The following RBFOX2 variants were observed in gnomAD, a reference collection of about 807,000 sequenced individuals.
The protein encoded by RBFOX2 is RNA binding fox-1 homolog 2, also known as RNA binding protein fox-1 homolog 2.
Under a neutral mutation model 49.1 loss-of-function variants are expected in RBFOX2, and 10 were observed. The ratio of observed to expected loss-of-function variants is 0.20; its 90% confidence interval spans 0.13 to 0.35. The LOEUF (loss-of-function observed/expected upper bound fraction) is 0.35. RBFOX2 is among the 10% of genes least tolerant of loss of function. The probability of loss-of-function intolerance (pLI) is 1.00; values close to 1 mark genes in which losing one functional copy is unlikely to be tolerated. For synonymous variants in RBFOX2, 183 were observed against 187.4 expected (o/e 0.98, Z 0.19); for missense variants, 323 against 486.9 (o/e 0.66, Z 3.17).
intron 1 of RBFOX2, among the ~76,000 whole-genome samples, chr22:36,001,073 A>C (rs191664137): frequency 6.6e-6 from 1 of 152,240 alleles, no homozygotes; most frequent in African/African-American, 2.4e-5. Flanking sequence ...ACAGAAAGCT[A>C]TTTTTAAACA....
intron 1 of RBFOX2, among the ~76,000 whole-genome samples, chr22:35,986,283 T>C (rs1305880971): frequency 2.0e-5 from 3 of 151,966 alleles, no homozygotes; most frequent in African/African-American, 7.3e-5. Flanking sequence ...CAGCAGGAAT[T>C]TGATATGAAC....
At chr22:35,902,026 G>C (rs1489470411) in intron 1 of RBFOX2, among the ~76,000 whole-genome samples, 4 of 152,124 alleles carry the variant, frequency 2.6e-5, no homozygotes, top group African/African-American at 9.6e-5. Context: ...GTTGCAGTCA[G>C]CTGAGAATGC....
chr22:35,851,809 C>T (rs138018975), intron 1 of RBFOX2, among the ~76,000 whole-genome samples: 2,343 of 145,872 alleles, frequency 0.016, 63 homozygotes, highest in African/African-American at 0.057. Context: ...CCAGCCTGGG[C>T]AACAGAGCAA....
At chr22:35,840,712 G>C, upstream of RBFOX2, 2 of 728,696 alleles carry the variant, frequency 2.7e-6, no homozygotes. Flanking sequence ...TTTTAAGGAT[G>C]CGATGATGGA....
intron 2 of RBFOX2, among the ~76,000 whole-genome samples, chr22:35,782,719 G>C (rs1231975317): frequency 6.6e-6 from 1 of 152,148 alleles, no homozygotes; most frequent in Non-Finnish European, 1.5e-5. Flanking sequence ...CTGCAGCCCA[G>C]AGCAAACTGC....
intron 8 of RBFOX2, 114 bp from the exon 10 acceptor site, chr22:35,760,134 C>CT: frequency 7.1e-7 from 1 of 1,407,298 alleles, no homozygotes. Flanking sequence ...CGAACCACAC[C>CT]TTTTTGGAAA....
At chr22:36,010,332 G>A (rs1213342621) in intron 1 of RBFOX2, among the ~76,000 whole-genome samples, 1 of 152,102 alleles carries the variant, frequency 6.6e-6, no homozygotes, top group Non-Finnish European at 1.5e-5. Flanking sequence ...AAACAACACA[G>A]CATCTGGTGC....
At chr22:36,021,093 GTA>G (rs1217998000) in intron 1 of RBFOX2, among the ~76,000 whole-genome samples, 3 of 152,060 alleles carry the variant, frequency 2.0e-5, no homozygotes, top group Non-Finnish European at 4.4e-5. Context: ...CACGTCCTTT[GTA>G]GGAACATGGA....
chr22:35,764,277 G>T (rs1441218444), intron 6 of RBFOX2, among the ~76,000 whole-genome samples: 1 of 151,900 alleles, frequency 6.6e-6, no homozygotes, highest in Admixed American at 6.6e-5. Flanking sequence ...CTAGCAGTGG[G>T]TTCAAACTTT....
chr22:35,758,003 G>A (rs534931222), intron 9 of RBFOX2, among the ~76,000 whole-genome samples: 6 of 152,222 alleles, frequency 3.9e-5, no homozygotes, highest in African/African-American at 1.4e-4. Flanking sequence ...ATTCATCTAC[G>A]TTCTAGAAGA....
At chr22:35,939,442 T>A (rs2053472386), upstream of RBFOX2, among the ~76,000 whole-genome samples, 1 of 152,186 alleles carries the variant, frequency 6.6e-6, no homozygotes, top group African/African-American at 2.4e-5. Flanking sequence ...TTATTTATTT[T>A]TTGTTTTATC....
At chr22:35,962,854 G>C (rs1032120463), upstream of RBFOX2, among the ~76,000 whole-genome samples, 5 of 151,864 alleles carry the variant, frequency 3.3e-5, no homozygotes, top group Non-Finnish European at 5.9e-5. Context: ...TTTGATAGCT[G>C]AGCACTGAAT....
At chr22:35,929,792 G>A (rs148460873) in intron 1 of RBFOX2, among the ~76,000 whole-genome samples, 1 of 151,954 alleles carries the variant, frequency 6.6e-6, no homozygotes, top group East Asian at 1.9e-4. Flanking sequence ...GCACAAAAGA[G>A]GCAATTTTAT....
chr22:35,835,903 TA>T (rs760225122), intron 1 of RBFOX2, among the ~76,000 whole-genome samples: 1 of 152,018 alleles, frequency 6.6e-6, no homozygotes, highest in Non-Finnish European at 1.5e-5. Flanking sequence ...TGGAGCAATG[TA>T]GAAGAATTCA....
intron 1 of RBFOX2, among the ~76,000 whole-genome samples, chr22:35,845,692 T>C (rs1256780495): frequency 6.6e-6 from 1 of 152,124 alleles, no homozygotes; most frequent in Non-Finnish European, 1.5e-5. Context: ...CTGTGAGGGA[T>C]TAAGGAAAAG....
At chr22:35,932,214 T>G (rs2052507608) in intron 1 of RBFOX2, among the ~76,000 whole-genome samples, 1 of 152,012 alleles carries the variant, frequency 6.6e-6, no homozygotes. Context: ...AGAAGATATA[T>G]TTGCTGTTGT....
At chr22:35,852,486 T>TAAA (rs576605291) in intron 1 of RBFOX2, among the ~76,000 whole-genome samples, 1 of 128,982 alleles carries the variant, frequency 7.8e-6, no homozygotes, top group Admixed American at 7.9e-5. Context: ...CCTTTCTTTT[T>TAAA]AAAAAAAAAA....
chr22:35,958,173 T>A (rs1402843405), intron 1 of RBFOX2, among the ~76,000 whole-genome samples: 1 of 152,210 alleles, frequency 6.6e-6, no homozygotes, highest in Non-Finnish European at 1.5e-5. Context: ...TTGAGTTTTA[T>A]AACAGTCTCT....
At chr22:35,827,253 T>C (rs1955957393) in intron 1 of RBFOX2, among the ~76,000 whole-genome samples, 1 of 152,220 alleles carries the variant, frequency 6.6e-6, no homozygotes, top group Non-Finnish European at 1.5e-5. Flanking sequence ...CCCTATCTTT[T>C]ACACTGTTTA....
Sources: gnomAD v4.1 joint callset for allele counts (sites outside exome capture counted in the v4.1 genomes callset) on GRCh38, gnomAD v4.1.1 for gene constraint, MANE v1.5 for transcripts, NCBI Gene and HGNC (gene_info 2026-07-23, HGNC 2026-07-21) for gene names.